The following AFF3 variants were observed in gnomAD, a reference collection of about 807,000 sequenced individuals.
The protein encoded by AFF3 is AF4/FMR2 family member 3.
Under a neutral mutation model 129.7 loss-of-function variants are expected in AFF3, and 32 were observed. That is an observed-to-expected ratio of 0.25 (90% CI 0.19 to 0.33). The LOEUF (loss-of-function observed/expected upper bound fraction) is 0.33, where lower values mean the gene tolerates loss of function less well. Among genes scored for constraint, AFF3 ranks in the 10% least tolerant of loss-of-function variants. The probability of loss-of-function intolerance (pLI) is 1.00; values close to 1 mark genes in which losing one functional copy is unlikely to be tolerated. For missense variants in AFF3, 1,373 were observed against 1,592.0 expected, an observed-to-expected ratio of 0.86 and a Z score of 2.34; for synonymous variants, 644 against 635.4, an observed-to-expected ratio of 1.01 and a Z score of -0.20.
intron 10 of AFF3, among the ~76,000 whole-genome samples, chr2:99,732,722 T>A (rs1043023636): frequency 2.0e-5 from 3 of 152,198 alleles, no homozygotes; most frequent in Non-Finnish European, 4.4e-5. Context: ...CTCATGCACA[T>A]GTTAGGAGTT....
At chr2:100,067,178 G>GT (rs1160664543) in intron 4 of AFF3, among the ~76,000 whole-genome samples, 2 of 113,590 alleles carry the variant, frequency 1.8e-5, no homozygotes, top group South Asian at 3.1e-4. Context: ...CTTCCACATA[G>GT]TTAAAAAAAA....
chr2:99,800,371 A>G (rs1685850756), intron 8 of AFF3, among the ~76,000 whole-genome samples: 1 of 152,186 alleles, frequency 6.6e-6, no homozygotes, highest in Non-Finnish European at 1.5e-5. Context: ...ACAATGAGAT[A>G]CCACTACATA....
intron 3 of AFF3, 30 bp downstream of exon 3, chr2:100,105,473 GA>G (rs1235031320): frequency 4.1e-5 from 54 of 1,325,462 alleles, no homozygotes; most frequent in Non-Finnish European, 5.4e-5. Flanking sequence ...GCCAGCCCTG[GA>G]AACCAACCTC....
chr2:99,666,373 G>A (rs1033261649), intron 12 of AFF3, among the ~76,000 whole-genome samples: 1 of 152,094 alleles, frequency 6.6e-6, no homozygotes. Flanking sequence ...TATATATAGT[G>A]TAATACCTAG....
chr2:99,828,575 AG>A (rs1688282153), intron 8 of AFF3, among the ~76,000 whole-genome samples: 1 of 152,192 alleles, frequency 6.6e-6, no homozygotes, highest in Admixed American at 6.5e-5. Context: ...CCACTTCCAA[AG>A]GGGGCCATGA....
At chr2:99,786,828 T>C (rs763209311) in intron 8 of AFF3, among the ~76,000 whole-genome samples, 16 of 152,196 alleles carry the variant, frequency 1.1e-4, no homozygotes, top group Non-Finnish European at 1.9e-4. Flanking sequence ...AATGGCTGAA[T>C]TCCCACCACA....
At chr2:99,943,042 G>C (rs1675206518) in intron 7 of AFF3, among the ~76,000 whole-genome samples, 1 of 152,096 alleles carries the variant, frequency 6.6e-6, no homozygotes, top group Admixed American at 6.6e-5. Flanking sequence ...TCCTGAATAA[G>C]ACCCAGGCTG....
chr2:99,865,294 T>C (rs997030326), intron 7 of AFF3, among the ~76,000 whole-genome samples: 5 of 152,214 alleles, frequency 3.3e-5, no homozygotes, highest in African/African-American at 1.2e-4. Context: ...ACAGCTTCTT[T>C]GAGTGGACTC....
chr2:99,613,321 T>C (rs753768206), intron 13 of AFF3, among the ~76,000 whole-genome samples: 6 of 152,190 alleles, frequency 3.9e-5, no homozygotes, highest in Admixed American at 6.5e-5. Context: ...AAGTTATCTG[T>C]TCCTTGAAAG....
chr2:99,766,783 G>A (rs958791026), intron 8 of AFF3, among the ~76,000 whole-genome samples: 9 of 152,140 alleles, frequency 5.9e-5, no homozygotes, highest in African/African-American at 2.2e-4. Context: ...TATTCTATGG[G>A]AGCAAACAAA....
At chr2:99,913,546 C>T (rs1695249797) in intron 7 of AFF3, among the ~76,000 whole-genome samples, 1 of 152,152 alleles carries the variant, frequency 6.6e-6, no homozygotes, top group East Asian at 1.9e-4. Context: ...CACAGTCTAG[C>T]TCTGTCCAAT....
At position 99,980,461 on chromosome 2, in the gene AFF3, C is replaced by T. The variant is rs142437051; in HGVS notation, c.873+26171G>A. The stretch of plus-strand genomic sequence containing the variant: ...AAGAAAGGCAATGATTTCTCTTTCC[C>T]AATATGTGGCAATTTTCAGATGTCA... On this transcript the variant is annotated intron_variant, in intron 7 of 24. Coordinates refer to ENST00000672756, the MANE Select transcript of AFF3 (RefSeq NM_001386135.1). 4.8e-3 allele frequency among the ~76,000 whole-genome samples: 731 copies of T among 152,306 alleles called. 2 individuals carry two copies. Among genetic ancestry groups the T allele is most frequent in the Non-Finnish European group, 8.5e-3 (575 of 68,016 alleles).
chr2:99,881,406 CAAA>C (rs11367144), intron 7 of AFF3, among the ~76,000 whole-genome samples: 2 of 122,990 alleles, frequency 1.6e-5, no homozygotes, highest in Admixed American at 8.1e-5. Context: ...AGCATCTTTT[CAAA>C]AAAAAAAAAA....
At chr2:100,073,983 T>C (rs1276442962) in intron 4 of AFF3, among the ~76,000 whole-genome samples, 1 of 152,084 alleles carries the variant, frequency 6.6e-6, no homozygotes, top group Non-Finnish European at 1.5e-5. Flanking sequence ...ATAAACACAG[T>C]CATATCAGAG....
chr2:99,899,669 T>C (rs1416136675), intron 7 of AFF3, among the ~76,000 whole-genome samples: 1 of 152,204 alleles, frequency 6.6e-6, no homozygotes, highest in Non-Finnish European at 1.5e-5. Context: ...ATTTTAGTAG[T>C]TTTAATAGTA....
intron 4 of AFF3, among the ~76,000 whole-genome samples, chr2:100,019,619 G>T (rs1374535485): frequency 6.6e-6 from 1 of 152,182 alleles, no homozygotes; most frequent in Non-Finnish European, 1.5e-5. Flanking sequence ...AGTCTCAGCG[G>T]GTCAAGAGGA....
At chr2:100,109,977 CGAGA>C (rs1158869387) in intron 2 of AFF3, 1 of 152,128 alleles carries the variant, frequency 6.6e-6, no homozygotes, top group East Asian at 1.9e-4. Context: ...AGTCGGAAGG[CGAGA>C]GAGAGCCCTC....
chr2:99,683,816 CTTCCTT>C (rs1674770024), intron 11 of AFF3, among the ~76,000 whole-genome samples: 1 of 152,234 alleles, frequency 6.6e-6, no homozygotes, highest in African/African-American at 2.4e-5. Flanking sequence ...CTGAAGAAGT[CTTCCTT>C]TTCAAGTGTC....
Position 100,006,830 on chromosome 2 carries a change from G to C in AFF3, c.675C>G (p.Ser225Arg). 6.2e-7 allele frequency: 1 copy of C among 1,614,218 alleles called. No homozygotes were observed. Among genetic ancestry groups the C allele is most frequent in the Non-Finnish European group, 8.5e-7 (1 of 1,180,036 alleles). Reference sequence around the variant, plus strand: ...ACGCGGTCGGTTTCTGCTGGACCAGGCTGGGTTTTGAAGCTAGGGATGGAG... The same window carrying C: ...ACGCGGTCGGTTTCTGCTGGACCAGCCTGGGTTTTGAAGCTAGGGATGGAG... The part of the protein sequence containing the change: ...NFPPSLASKP[S>R]LVQQKPTAYV... The change falls in exon 7 of 25, where the codon AGC becomes AGG. Residue 225 changes from serine to arginine, a missense_variant. By Grantham distance (110) the Ser-to-Arg change is moderately radical. Transcript: ENST00000672756.
Sources: allele counts gnomAD v4.1 joint callset (sites outside exome capture counted in the v4.1 genomes callset), GRCh38; gene constraint gnomAD v4.1.1; transcripts MANE v1.5; gene names NCBI Gene and HGNC (gene_info 2026-07-23, HGNC 2026-07-21).